Variants in ADH6 observed in about 807,000 individuals in gnomAD.
ADH6 encodes the protein alcohol dehydrogenase 6.
Under a neutral mutation model 36.5 loss-of-function variants are expected in ADH6, and 34 were observed. The ratio of observed to expected loss-of-function variants is 0.93; its 90% CI spans 0.71 to 1.24. The LOEUF (loss-of-function observed/expected upper bound fraction) is 1.24, where lower values mean the gene tolerates loss of function less well. ADH6 is among the 50% of genes most tolerant of loss of function. The pLI, the probability that ADH6 is intolerant of heterozygous loss-of-function variation, is 0.00. For missense variants in ADH6, 440 were observed against 447.0 expected, an observed-to-expected ratio of 0.98 and a Z score of 0.14; for synonymous variants, 161 against 155.5, an observed-to-expected ratio of 1.04 and a Z score of -0.26.
intron 6 of ADH6, 54 bp downstream of exon 6, chr4:99,208,614 C>T: frequency 6.5e-7 from 1 of 1,541,920 alleles, no homozygotes; most frequent in South Asian, 1.3e-5. Flanking sequence ...CAACTATAAT[C>T]TAAACGATGA....
intron 3 of ADH6, among the ~76,000 whole-genome samples, chr4:99,213,394 G>GT (rs1405029786): frequency 1.3e-5 from 2 of 151,740 alleles, no homozygotes; most frequent in Non-Finnish European, 2.9e-5. Context: ...TCTACTTCTT[G>GT]TTTTTTCTTA....
intron 3 of ADH6, among the ~76,000 whole-genome samples, chr4:99,212,270 A>G (rs897234398): frequency 6.6e-6 from 1 of 152,142 alleles, no homozygotes; most frequent in African/African-American, 2.4e-5. Flanking sequence ...GTCTGCCTAT[A>G]TTCTTGTGAA....
intron 3 of ADH6, among the ~76,000 whole-genome samples, chr4:99,212,739 G>A (rs1435995493): frequency 1.3e-5 from 2 of 151,390 alleles, no homozygotes; most frequent in African/African-American, 4.8e-5. Flanking sequence ...ACACATATAT[G>A]TGTATATATA....
At chr4:99,217,169 G>A (rs1035102012) in intron 1 of ADH6, among the ~76,000 whole-genome samples, 1 of 152,072 alleles carries the variant, frequency 6.6e-6, no homozygotes, top group Non-Finnish European at 1.5e-5. Context: ...CTGAGTAGCT[G>A]GGACTACAGG....
rs1421727489 is a variant in ADH6, at chr4:99,203,916, C to A, written c.*303G>T. On this transcript the variant is annotated 3_prime_UTR_variant, in exon 9 of 9. Coordinates refer to ENST00000394899, the MANE Select transcript of ADH6 (RefSeq NM_001102470.2). The stretch of plus-strand genomic sequence containing the variant: ...ATATAAAGGTCCACAGGTAGAGGAA[C>A]TATGAAAATGGGAGCATCTTGCATT... The A allele has an allele frequency of 3.6e-5, 12 of 331,104 alleles. No individual in the cohort carries two copies. The Admixed American group carries it at 5.8e-4, about 16-fold the overall frequency. The allele number at this position is 331,104 out of a possible 1,614,324, so 20.5% of individuals were successfully genotyped here.
At chr4:99,204,731 G>A (rs1730958451) in intron 8 of ADH6, 194 bp downstream of exon 8, 3 of 1,279,532 alleles carry the variant, frequency 2.3e-6, no homozygotes, top group Non-Finnish European at 3.0e-6. Flanking sequence ...ATACTTTCAG[G>A]ATTATGTATT....
rs569486206 is a variant in ADH6, at chr4:99,207,618, A to G, written c.829-37T>C. On this transcript the variant is annotated intron_variant, in intron 6 of 8. Transcript: ENST00000394899. ...TGATGCAATACAGTATAGGGGTTAA[A>G]AGATGTATGTGAGGATTGAGCCTAC... The G allele has an allele frequency of 1.8e-4, 292 of 1,595,314 alleles. 6 individuals carry two copies. The South Asian group carries it at 2.8e-3, about 15-fold the overall frequency.
At chr4:99,217,268 C>T (rs1445194601) in intron 1 of ADH6, among the ~76,000 whole-genome samples, 1 of 152,192 alleles carries the variant, frequency 6.6e-6, no homozygotes, top group South Asian at 2.1e-4. Context: ...GATCTCCTGA[C>T]CTCGTGATCC....
rs1731173819 is a variant in ADH6 at position 99,210,207 on chromosome 4, A to G, written c.442T>C (p.Cys148Arg). 6.2e-7 allele frequency: 1 copy of G among 1,613,740 alleles called. No homozygotes were observed. Among genetic ancestry groups the G allele is most frequent in the African/African-American group, 1.3e-5 (1 of 74,938 alleles). Reference sequence around the variant, plus strand: ...ATTTCCTTTATCACTGTGTATTCACAGAAGGTGCTGGTATTACCAAAGTGA... The same window carrying G: ...ATTTCCTTTATCACTGTGTATTCACGGAAGGTGCTGGTATTACCAAAGTGA... The part of the protein sequence containing the change: ...IYHFGNTSTF[C>R]EYTVIKEISV... Residue 148 changes from cysteine (C) to arginine (R), a missense_variant, in exon 5 of 9, where the codon TGT becomes CGT. Coordinates refer to ENST00000394899, the MANE Select transcript of ADH6 (RefSeq NM_001102470.2).
chr4:99,216,196 C>CT lies in ADH6; in HGVS notation c.84dup (p.Val29SerfsTer29). 1.3e-6 allele frequency: 2 copies of CT among 1,529,780 alleles called. No individual in the cohort carries two copies. Among genetic ancestry groups the CT allele is most frequent in the Non-Finnish European group, 1.8e-6 (2 of 1,135,454 alleles). The allele number at this position is 1,529,780 out of a possible 1,614,324, so 94.8% of individuals were successfully genotyped here. On this transcript the variant is annotated frameshift_variant, in exon 2 of 9. Transcript: ENST00000394899. LOFTEE classifies it high-confidence loss of function. ...ACTTCCTTTGCCTTTGGTGGGGCCA[C>CT]TTCTACCTCTTCAATAGAAAATGGT...
intron 7 of ADH6, 62 bp downstream of exon 7, chr4:99,207,384 A>G (rs1731071554): frequency 6.2e-7 from 1 of 1,601,444 alleles, no homozygotes; most frequent in Non-Finnish European, 8.5e-7. Flanking sequence ...TTTATGGTAC[A>G]TTTTTCTATT....
intron 6 of ADH6, 63 bp from the exon 7 acceptor site, chr4:99,207,644 A>G (rs566618069): frequency 2.0e-6 from 3 of 1,530,982 alleles, no homozygotes; most frequent in Admixed American, 1.9e-5. Flanking sequence ...TTGAGCCTAC[A>G]TCTTAATTTC....
rs1730904490 is a variant in ADH6 at position 99,202,857 on chromosome 4, G to A, written c.*1362C>T. On this transcript the variant is annotated 3_prime_UTR_variant, in exon 9 of 9. Transcript: ENST00000394899. ...GCATGGAGGCTCCAGCTCAGACTTGGGAAGATGGAGAAGAGCCATCCCAAG... is the reference window on the plus strand; with the variant it reads ...GCATGGAGGCTCCAGCTCAGACTTGAGAAGATGGAGAAGAGCCATCCCAAG... The A allele has an allele frequency of 1.0e-5, 4 of 397,632 alleles. No individual in the cohort carries two copies. The highest frequency in any genetic ancestry group is 1.8e-5 in the Non-Finnish European group (4 of 225,338). The allele number at this position is 397,632 out of a possible 1,614,324, so 24.6% of individuals were successfully genotyped here. A position where few individuals can be genotyped will look rare whatever the true frequency, so the allele number is the denominator to read the frequency against.
At chr4:99,210,722 TGAG>T (rs1343555374) in intron 3 of ADH6, among the ~76,000 whole-genome samples, 2 of 152,198 alleles carry the variant, frequency 1.3e-5, no homozygotes, top group East Asian at 3.9e-4. Context: ...GGCTGAATCT[TGAG>T]GAACTGGCCC....
rs1296236105 is a variant in ADH6 at position 99,210,476 on chromosome 4, G to C, written c.289C>G (p.Pro97Ala). ...PGDKVITLFL[P>A]QCGECTSCLN... ...CAAGAGGTACATTCTCCACACTGTG[G>C]CAGAAAGAGTGTGATAACTTTGTCA... Residue 97 changes from proline to alanine, a missense_variant, in exon 4 of 9, where the codon CCA (proline) becomes GCA (alanine). Pro to Ala is a conservative substitution (Grantham distance 27). Coordinates refer to ENST00000394899, the MANE Select transcript of ADH6 (RefSeq NM_001102470.2). 6.2e-7 allele frequency: 1 copy of C among 1,611,592 alleles called. No individual in the cohort carries two copies. The highest frequency in any genetic ancestry group is 8.5e-7 in the Non-Finnish European group (1 of 1,178,996).
chr4:99,217,447 C>T (rs534819486), intron 1 of ADH6, among the ~76,000 whole-genome samples: 5 of 152,164 alleles, frequency 3.3e-5, no homozygotes, highest in Non-Finnish European at 7.3e-5. Context: ...TTAGCTCCCA[C>T]GTATGCGTAA....
At chr4:99,210,557 A>G (rs548740475) in intron 3 of ADH6, 55 bp from the exon 4 acceptor site, 11 of 1,387,794 alleles carry the variant, frequency 7.9e-6, no homozygotes, top group Non-Finnish European at 1.0e-5. Context: ...GTAAAGACAT[A>G]GCTGTCTTTC....
At position 99,203,396 on chromosome 4, in the gene ADH6, A is replaced by G. The variant is rs952524889; in HGVS notation, c.*823T>C. 6.6e-5 allele frequency: 10 copies of G among 152,116 alleles called. No individual in the cohort carries two copies. The highest frequency in any genetic ancestry group is 2.4e-4 in the African/African-American group (10 of 41,408). 9.4% of individuals were successfully genotyped at this position (152,116 alleles called of 1,614,324 possible). A position where few individuals can be genotyped will look rare whatever the true frequency, so the allele number is the denominator to read the frequency against. Reference sequence around the variant, plus strand: ...GTAGAAGGATTGGATGCCACAAAGCATTACTGGGGCTCATTTTCCCCTAAG... The same window carrying G: ...GTAGAAGGATTGGATGCCACAAAGCGTTACTGGGGCTCATTTTCCCCTAAG... On this transcript the variant is annotated 3_prime_UTR_variant, in exon 9 of 9. Transcript: ENST00000394899.
chr4:99,215,903 A>G (rs1731395320), intron 2 of ADH6: 1 of 219,566 alleles, frequency 4.6e-6, no homozygotes, highest in Non-Finnish European at 8.8e-6. Flanking sequence ...ATTTTTTTAA[A>G]TTAATAATTA....
Sources: gnomAD v4.1 joint callset for allele counts (sites outside exome capture counted in the v4.1 genomes callset) on GRCh38, gnomAD v4.1.1 for gene constraint, MANE v1.5 for transcripts, NCBI Gene and HGNC (gene_info 2026-07-23, HGNC 2026-07-21) for gene names.